The following UST variants were observed in gnomAD, a reference collection of about 807,000 sequenced individuals.
The protein encoded by UST is uronyl 2-sulfotransferase, also known as chondroitin sulfate 2-O-sulfotransferase.
A neutral mutation model predicts 45.6 loss-of-function variants in UST; 21 were observed. The ratio of observed to expected loss-of-function variants is 0.46; its 90% CI spans 0.33 to 0.66. The LOEUF is 0.66. Among genes scored for constraint, UST ranks in the 30% least tolerant of loss-of-function variants. UST has a pLI of 0.02. For synonymous variants in UST, 215 were observed against 200.6 expected, an observed-to-expected ratio of 1.07 and a Z score of -0.61; for missense variants, 463 against 512.4, an observed-to-expected ratio of 0.90 and a Z score of 0.93.
At chr6:148,766,143 A>G (rs1582797364) in intron 1 of UST, among the ~76,000 whole-genome samples, 1 of 152,082 alleles carries the variant, frequency 6.6e-6, no homozygotes, top group African/African-American at 2.4e-5. Flanking sequence ...TTCATACTTC[A>G]TTTGTTTTAT....
At chr6:148,779,111 CAT>C (rs1776589159) in intron 1 of UST, among the ~76,000 whole-genome samples, 1 of 138,014 alleles carries the variant, frequency 7.2e-6, no homozygotes, top group African/African-American at 2.6e-5. Context: ...CTTTGTGGCA[CAT>C]TTTTTTTTTT....
At chr6:148,977,111 T>C (rs891994134) in intron 5 of UST, among the ~76,000 whole-genome samples, 13 of 151,982 alleles carry the variant, frequency 8.6e-5, no homozygotes, top group Non-Finnish European at 1.5e-4. Flanking sequence ...TACAATAATT[T>C]GTGTTTTCCT....
At chr6:148,759,236 G>A (rs1333433089) in intron 1 of UST, among the ~76,000 whole-genome samples, 1 of 152,162 alleles carries the variant, frequency 6.6e-6, no homozygotes, top group Non-Finnish European at 1.5e-5. Context: ...GGCATTGGAA[G>A]TCCTTTTAAA....
chr6:149,049,847 C>T (rs1410613745), intron 7 of UST, among the ~76,000 whole-genome samples: 7 of 151,540 alleles, frequency 4.6e-5, no homozygotes, highest in Admixed American at 3.3e-4. Context: ...GGCAACTGTC[C>T]TTTGGATTTC....
At chr6:148,951,136 G>T (rs1780355237) in intron 3 of UST, among the ~76,000 whole-genome samples, 1 of 152,264 alleles carries the variant, frequency 6.6e-6, no homozygotes, top group Non-Finnish European at 1.5e-5. Flanking sequence ...GCTGGCCACA[G>T]CATGTGTGGT....
chr6:148,773,969 A>G (rs890852544), intron 1 of UST, among the ~76,000 whole-genome samples: 1 of 152,136 alleles, frequency 6.6e-6, no homozygotes, highest in African/African-American at 2.4e-5. Flanking sequence ...GTCCTCCCCG[A>G]CTTTATAAAG....
intron 1 of UST, among the ~76,000 whole-genome samples, chr6:148,839,997 A>G (rs532669325): frequency 1.3e-5 from 2 of 152,228 alleles, no homozygotes; most frequent in Admixed American, 1.3e-4. Flanking sequence ...GGCAAAACTC[A>G]CTTTGCTAGG....
chr6:148,877,006 T>TG (rs66885717), intron 1 of UST, among the ~76,000 whole-genome samples: 497 of 6,282 alleles, frequency 0.079, 32 homozygotes, highest in Middle Eastern at 0.25. Flanking sequence ...ATATATGAGT[T>TG]GGGGGGGGTC....
chr6:148,850,563 CATT>C (rs1778084719), intron 1 of UST, among the ~76,000 whole-genome samples: 1 of 152,192 alleles, frequency 6.6e-6, no homozygotes, highest in Admixed American at 6.5e-5. Flanking sequence ...ATAGTGGCCT[CATT>C]ATGATTCTGA....
At chr6:148,925,607 A>G (rs1230984213) in intron 2 of UST, among the ~76,000 whole-genome samples, 1 of 152,198 alleles carries the variant, frequency 6.6e-6, no homozygotes, top group African/African-American at 2.4e-5. Flanking sequence ...CCTACTAAAT[A>G]TTACTCCTCT....
chr6:149,022,945 T>C (rs1775999357), intron 7 of UST, among the ~76,000 whole-genome samples: 1 of 152,224 alleles, frequency 6.6e-6, no homozygotes, highest in South Asian at 2.1e-4. Context: ...TTATAGAATT[T>C]TAATGTAAAG....
intron 1 of UST, among the ~76,000 whole-genome samples, chr6:148,809,180 G>A (rs1777205653): frequency 6.6e-6 from 1 of 152,220 alleles, no homozygotes; most frequent in East Asian, 1.9e-4. Flanking sequence ...CTTTGGCACT[G>A]TCCTCAGAGT....
At chr6:148,862,919 C>CT (rs143115418) in intron 1 of UST, among the ~76,000 whole-genome samples, 32,369 of 151,976 alleles carry the variant, frequency 0.21, 3,642 homozygotes, top group East Asian at 0.4. Flanking sequence ...TTCTCTCTGG[C>CT]GCCCTTAACA....
intron 1 of UST, among the ~76,000 whole-genome samples, chr6:148,769,521 TAA>T (rs1473014578): frequency 6.6e-6 from 1 of 152,260 alleles, no homozygotes; most frequent in Non-Finnish European, 1.5e-5. Flanking sequence ...GTAATTCACT[TAA>T]CCTCTCTGAG....
At chr6:148,811,928 C>T (rs537122602) in intron 1 of UST, among the ~76,000 whole-genome samples, 2 of 152,306 alleles carry the variant, frequency 1.3e-5, no homozygotes, top group South Asian at 4.1e-4. Flanking sequence ...TTTAAAATCT[C>T]CGTTAATCTA....
At chr6:149,053,257 C>T (rs1433473520) in intron 7 of UST, among the ~76,000 whole-genome samples, 1 of 152,040 alleles carries the variant, frequency 6.6e-6, no homozygotes, top group Non-Finnish European at 1.5e-5. Context: ...TGTAGTCTAC[C>T]AGAAATAAGT....
intron 7 of UST, among the ~76,000 whole-genome samples, chr6:149,029,081 G>A (rs1037728937): frequency 3.3e-5 from 5 of 152,032 alleles, no homozygotes; most frequent in Non-Finnish European, 7.4e-5. Context: ...TTGCTCTGCA[G>A]ACGGGAGTTT....
chr6:148,788,358 C>T (rs1243232841), intron 1 of UST, among the ~76,000 whole-genome samples: 1 of 152,034 alleles, frequency 6.6e-6, no homozygotes, highest in African/African-American at 2.4e-5. Flanking sequence ...TATATATACA[C>T]ACACACACAC....
intron 1 of UST, among the ~76,000 whole-genome samples, chr6:148,776,718 GA>G (rs1011299997): frequency 2.2e-4 from 33 of 152,124 alleles, no homozygotes; most frequent in African/African-American, 8.0e-4. Context: ...CCATTTGTTG[GA>G]AATCTCTTTA....
Sources: gnomAD v4.1 joint callset for allele counts (sites outside exome capture counted in the v4.1 genomes callset) on GRCh38, gnomAD v4.1.1 for gene constraint, MANE v1.5 for transcripts, NCBI Gene and HGNC (gene_info 2026-07-23, HGNC 2026-07-21) for gene names.